Variants in IMMP1L observed in about 807,000 individuals in gnomAD.
IMMP1L encodes mitochondrial inner membrane protease subunit 1.
In IMMP1L, 24 loss-of-function variants were observed where a neutral mutation model predicts 21.8. That is an observed-to-expected ratio of 1.10 (90% CI 0.80 to 1.55). The LOEUF (loss-of-function observed/expected upper bound fraction) is 1.55, where lower values mean the gene tolerates loss of function less well. Among genes scored for constraint, IMMP1L ranks in the 40% most tolerant of loss-of-function variants. The pLI is 0.00. For synonymous variants in IMMP1L, 46 were observed against 62.8 expected (o/e 0.73, Z 1.26); for missense variants, 195 against 200.7 (o/e 0.97, Z 0.17).
chr11:31,490,078 T>G (rs867746705), intron 1 of IMMP1L, among the ~76,000 whole-genome samples: 2 of 152,208 alleles, frequency 1.3e-5, no homozygotes, highest in African/African-American at 2.4e-5. Flanking sequence ...AGAGGTAATT[T>G]AGGATCTTAC....
At chr11:31,473,356 T>G (rs1954631767) in intron 1 of IMMP1L, among the ~76,000 whole-genome samples, 1 of 152,096 alleles carries the variant, frequency 6.6e-6, no homozygotes, top group South Asian at 2.1e-4. Flanking sequence ...GCCCCTTTGA[T>G]ATCTCATTTT....
chr11:31,457,090 A>T (rs796158071), intron 3 of IMMP1L, among the ~76,000 whole-genome samples: 15 of 152,098 alleles, frequency 9.9e-5, no homozygotes, highest in African/African-American at 3.6e-4. Flanking sequence ...TTTCCCTAGA[A>T]CTCAAATAAT....
At chr11:31,457,749 CTTATA>C (rs1355485023) in intron 3 of IMMP1L, among the ~76,000 whole-genome samples, 1 of 152,032 alleles carries the variant, frequency 6.6e-6, no homozygotes, top group Non-Finnish European at 1.5e-5. Flanking sequence ...AAGAAACTTT[CTTATA>C]TAAGAGAATA....
intron 4 of IMMP1L, among the ~76,000 whole-genome samples, chr11:31,434,141 C>A (rs1044870450): frequency 5.9e-5 from 9 of 152,106 alleles, no homozygotes; most frequent in Admixed American, 1.3e-4. Context: ...ATCTTCAATG[C>A]ATTATACTTC....
At chr11:31,443,503 T>G (rs1223120) in intron 4 of IMMP1L, among the ~76,000 whole-genome samples, 58,346 of 152,044 alleles carry the variant, frequency 0.38, 14,392 homozygotes, top group African/African-American at 0.7. Context: ...TTACTTATTT[T>G]CATTGTCATT....
rs142467107 is a variant in IMMP1L at position 31,464,299 on chromosome 11, T to C, written c.-29-994A>G. Among the ~76,000 whole-genome samples the C allele has an allele frequency of 6.1e-3, 931 of 151,920 alleles. 9 individuals are homozygous for C. Among genetic ancestry groups the C allele is most frequent in the Non-Finnish European group, 5.1e-3 (349 of 67,932 alleles). On this transcript the variant is annotated intron_variant, in intron 1 of 5. Transcript: ENST00000532287. ...AGTTGGCAAAGGATGAAGCCAGTAA[T>C]AAAAGGTCTCCCAAAAAAGAAAAGC...
chr11:31,474,453 T>C (rs778465464), intron 1 of IMMP1L, among the ~76,000 whole-genome samples: 3 of 152,226 alleles, frequency 2.0e-5, no homozygotes, highest in South Asian at 2.1e-4. Context: ...AAGATTTGTA[T>C]AGAGATTTTT....
intron 1 of IMMP1L, among the ~76,000 whole-genome samples, chr11:31,489,572 T>C (rs112009306): frequency 1.3e-5 from 2 of 151,612 alleles, no homozygotes; most frequent in Admixed American, 6.6e-5. Context: ...ATTAGTTGCA[T>C]TACTTATCAT....
At chr11:31,497,916 A>C (rs2133815482) in intron 1 of IMMP1L, among the ~76,000 whole-genome samples, 1 of 152,308 alleles carries the variant, frequency 6.6e-6, no homozygotes, top group East Asian at 1.9e-4. Flanking sequence ...ATTTTTTTAA[A>C]GGGCTCAAAA....
In IMMP1L at chr11:31,456,137, T is replaced by C. The variant is rs1953928277; in HGVS notation, c.321+123A>G. 9 of 600,030 alleles carry C rather than the reference T, an allele frequency of 1.5e-5. No individual in the cohort carries two copies. In the East Asian group the frequency reaches 2.7e-4, roughly 18 times the overall value. 37.2% of individuals were successfully genotyped at this position (600,030 alleles called of 1,614,324 possible). The stretch of plus-strand genomic sequence containing the variant: ...ATTGTTCTTGATATAAACATTTAAA[T>C]TCTACTGGATGCCCTTTTTTCTTAC... On this transcript the variant is annotated intron_variant, in intron 4 of 5. Coordinates refer to ENST00000532287, the MANE Select transcript of IMMP1L (RefSeq NM_001304274.2).
intron 1 of IMMP1L, among the ~76,000 whole-genome samples, chr11:31,495,010 C>A (rs769623877): frequency 6.6e-6 from 1 of 152,122 alleles, no homozygotes; most frequent in African/African-American, 2.4e-5. Context: ...TTTCTTCCAC[C>A]AGATACCCTA....
chr11:31,444,894 A>G (rs1953463878), intron 4 of IMMP1L, among the ~76,000 whole-genome samples: 1 of 152,294 alleles, frequency 6.6e-6, no homozygotes, highest in African/African-American at 2.4e-5. Context: ...CCATTTACCA[A>G]CTAGTCAGAA....
In IMMP1L at chr11:31,451,519, A is replaced by G. The variant is rs548283995; in HGVS notation, c.321+4741T>C. 9.2e-4 allele frequency among the ~76,000 whole-genome samples: 140 copies of G among 152,244 alleles called. 1 individual carries two copies. Among genetic ancestry groups the G allele is most frequent in the Non-Finnish European group, 1.7e-3 (116 of 68,014 alleles). On this transcript the variant is annotated intron_variant, in intron 4 of 5. Transcript: ENST00000532287. ...TGTAGGGTGAAAGAGGAGAGTAAGGATAACTCTAAGGTTTGTGGCCTGAAC... is the reference window on the plus strand; with the variant it reads ...TGTAGGGTGAAAGAGGAGAGTAAGGGTAACTCTAAGGTTTGTGGCCTGAAC...
At chr11:31,474,392 CT>C in intron 1 of IMMP1L, among the ~76,000 whole-genome samples, 1 of 152,250 alleles carries the variant, frequency 6.6e-6, no homozygotes, top group Middle Eastern at 3.4e-3. Flanking sequence ...TCAAAATCAC[CT>C]TCAGGGCTGC....
intron 1 of IMMP1L, among the ~76,000 whole-genome samples, chr11:31,485,373 T>C (rs1414986440): frequency 6.6e-6 from 1 of 151,860 alleles, no homozygotes; most frequent in Non-Finnish European, 1.5e-5. Flanking sequence ...TACAACTGTT[T>C]AGCTGGAAAA....
At chr11:31,475,875 G>A (rs190754431) in intron 1 of IMMP1L, among the ~76,000 whole-genome samples, 10 of 152,080 alleles carry the variant, frequency 6.6e-5, no homozygotes, top group African/African-American at 1.4e-4. Context: ...CCCCTAGAAC[G>A]GAGAAGGAAA....
At chr11:31,465,448 AATCCTAAAATTCATACAG>A (rs1954302612) in intron 1 of IMMP1L, among the ~76,000 whole-genome samples, 1 of 152,130 alleles carries the variant, frequency 6.6e-6, no homozygotes, top group Admixed American at 6.5e-5. Flanking sequence ...ATTAGAAAAC[AATCCTAAAATTCATACAG>A]AACCACAAGA....
chr11:31,507,054 C>A (rs1420979593), intron 1 of IMMP1L, among the ~76,000 whole-genome samples: 1 of 151,836 alleles, frequency 6.6e-6, no homozygotes, highest in East Asian at 1.9e-4. Context: ...CCGAGGTGGG[C>A]GGATCACGAG....
rs935491861 is a variant in IMMP1L, at chr11:31,444,736, T to A, written c.322-11166A>T. Among the ~76,000 whole-genome samples the A allele has an allele frequency of 3.9e-5, 6 of 152,114 alleles. No individual in the cohort carries two copies. In the South Asian group the frequency reaches 1.0e-3, roughly 26 times the overall value. ...TCAAGAGTAGCTGGGATTACAGGCA[T>A]GCACCACCACGCCTGGCTAATTTTT... On this transcript the variant is annotated intron_variant, in intron 4 of 5. Coordinates refer to ENST00000532287, the MANE Select transcript of IMMP1L (RefSeq NM_001304274.2).
Sources: gnomAD v4.1 joint callset for allele counts (sites outside exome capture counted in the v4.1 genomes callset) on GRCh38, gnomAD v4.1.1 for gene constraint, MANE v1.5 for transcripts, NCBI Gene and HGNC (gene_info 2026-07-23, HGNC 2026-07-21) for gene names.